The following PTPDC1 variants were observed in gnomAD, a reference collection of about 807,000 sequenced individuals.
PTPDC1 encodes protein tyrosine phosphatase domain containing 1.
PTPDC1 carries 53 observed loss-of-function variants against 75.3 expected under a neutral mutation model. The observed-to-expected ratio is 0.70, with a 90% confidence interval of 0.56 to 0.88. The LOEUF (loss-of-function observed/expected upper bound fraction) is 0.88. PTPDC1 is among the 40% of genes least tolerant of loss of function. The probability of loss-of-function intolerance (pLI) is 0.00; values close to 1 mark genes in which losing one functional copy is unlikely to be tolerated. For missense variants in PTPDC1, 925 were observed against 998.6 expected (o/e 0.93, Z 0.99); for synonymous variants, 349 against 366.2 (o/e 0.95, Z 0.54).
chr9:94,070,090 T>C (rs1433818883), intron 2 of PTPDC1, among the ~76,000 whole-genome samples: 1 of 152,244 alleles, frequency 6.6e-6, no homozygotes, highest in Non-Finnish European at 1.5e-5. Context: ...CCCAAAGTGC[T>C]GGGATTACAG....
chr9:94,084,805 A>G (rs755972332), intron 1 of PTPDC1, 31 bp downstream of exon 1: 38 of 1,440,996 alleles, frequency 2.6e-5, no homozygotes, highest in Admixed American at 1.1e-4. Flanking sequence ...TGCCATACCT[A>G]TGTATATAAG....
chr9:94,050,371 G>T (rs1330555835), intron 1 of PTPDC1, among the ~76,000 whole-genome samples: 1 of 152,058 alleles, frequency 6.6e-6, no homozygotes, highest in Non-Finnish European at 1.5e-5. Context: ...TTTGATGTTG[G>T]TGACGTACAG....
At chr9:94,102,666 G>A (rs968750266) in intron 7 of PTPDC1, among the ~76,000 whole-genome samples, 8 of 152,004 alleles carry the variant, frequency 5.3e-5, no homozygotes, top group African/African-American at 1.9e-4. Flanking sequence ...TGCAACCTCT[G>A]CCCCCCGGGT....
At chr9:94,034,737 G>A (rs2118376711) in intron 1 of PTPDC1, among the ~76,000 whole-genome samples, 1 of 152,096 alleles carries the variant, frequency 6.6e-6, no homozygotes, top group Admixed American at 6.5e-5. Flanking sequence ...AAATCATTCT[G>A]TATAAGAACA....
At chr9:94,036,906 C>T (rs1825290710) in intron 1 of PTPDC1, among the ~76,000 whole-genome samples, 1 of 152,184 alleles carries the variant, frequency 6.6e-6, no homozygotes, top group Admixed American at 6.5e-5. Flanking sequence ...TAATTTGTAG[C>T]AATCTACCCT....
intron 2 of PTPDC1, among the ~76,000 whole-genome samples, chr9:94,074,863 A>T (rs1826632621): frequency 1.3e-5 from 2 of 152,206 alleles, no homozygotes; most frequent in South Asian, 4.1e-4. Flanking sequence ...GGCCTCACTA[A>T]GATGAAAGTT....
At chr9:94,049,868 G>T (rs2118448231) in intron 1 of PTPDC1, among the ~76,000 whole-genome samples, 1 of 152,226 alleles carries the variant, frequency 6.6e-6, no homozygotes, top group South Asian at 2.1e-4. Flanking sequence ...ATGTAGATTT[G>T]GTCTTTTCAC....
chr9:94,067,802 A>G (rs1166674190), intron 2 of PTPDC1, among the ~76,000 whole-genome samples: 4 of 152,158 alleles, frequency 2.6e-5, no homozygotes, highest in Non-Finnish European at 5.9e-5. Context: ...GGGTTTAGCC[A>G]TATTGGCCAG....
At chr9:94,041,879 C>T (rs1327016629) in intron 1 of PTPDC1, among the ~76,000 whole-genome samples, 2 of 152,192 alleles carry the variant, frequency 1.3e-5, no homozygotes, top group African/African-American at 2.4e-5. Flanking sequence ...CTGATATGCT[C>T]ATCACTCTTG....
At chr9:94,094,548 C>T (rs1421258606) in intron 4 of PTPDC1, among the ~76,000 whole-genome samples, 1 of 152,130 alleles carries the variant, frequency 6.6e-6, no homozygotes, top group African/African-American at 2.4e-5. Flanking sequence ...GTGCCCTGCC[C>T]CCAGAGGTGG....
At chr9:94,047,444 A>G (rs927912004) in intron 1 of PTPDC1, among the ~76,000 whole-genome samples, 2 of 152,196 alleles carry the variant, frequency 1.3e-5, no homozygotes, top group Admixed American at 1.3e-4. Flanking sequence ...TTATAGCACT[A>G]AATGCCCACA....
At chr9:94,036,259 G>C (rs2118384587) in intron 1 of PTPDC1, among the ~76,000 whole-genome samples, 1 of 152,098 alleles carries the variant, frequency 6.6e-6, no homozygotes, top group South Asian at 2.1e-4. Context: ...TTATTGCCAA[G>C]ACTAATGTCA....
chr9:94,094,278 T>G (rs1402389265), intron 4 of PTPDC1, among the ~76,000 whole-genome samples: 14 of 151,686 alleles, frequency 9.2e-5, no homozygotes, highest in East Asian at 1.9e-4. Flanking sequence ...GTCCTTTCTG[T>G]TTGTTAGTTT....
intron 1 of PTPDC1, among the ~76,000 whole-genome samples, chr9:94,043,287 G>A (rs992762718): frequency 4.6e-5 from 7 of 152,194 alleles, no homozygotes; most frequent in African/African-American, 1.7e-4. Flanking sequence ...GTAATGGTAC[G>A]TATTATGGTT....
chr9:94,066,415 A>G (rs796658930), intron 2 of PTPDC1, among the ~76,000 whole-genome samples: 7 of 152,274 alleles, frequency 4.6e-5, no homozygotes, highest in Admixed American at 1.3e-4. Context: ...TTTAAATGTT[A>G]TATAATGATT....
chr9:94,098,324 T>C lies in PTPDC1; in HGVS notation c.1758T>C (p.Val586=), dbSNP rs1827696014. ...ACTGTCAGTGTAAAACTCATGGTGT[T>C]GGGAGCCCTGGCTCTGTCAGGCAGA... The part of the protein sequence containing the change: ...VSHCQCKTHG[V]GSPGSVRQNS... The change falls in exon 6 of 9, where the codon GTT becomes GTC. Residue 586 remains valine (V), a synonymous_variant. Coordinates refer to ENST00000620992, the MANE Select transcript of PTPDC1 (RefSeq NM_001253829.2). The C allele has an allele frequency of 6.2e-7, 1 of 1,614,236 alleles. No homozygotes were observed. Among genetic ancestry groups the C allele is most frequent in the Non-Finnish European group, 8.5e-7 (1 of 1,180,040 alleles).
chr9:94,087,975 T>C, intron 3 of PTPDC1, 64 bp downstream of exon 3: 1 of 1,501,106 alleles, frequency 6.7e-7, no homozygotes, highest in South Asian at 1.1e-5. Context: ...TCATTGCCTT[T>C]GTTTCAAGTG....
chr9:94,082,311 G>T (rs1826910281), upstream of PTPDC1, among the ~76,000 whole-genome samples: 1 of 152,228 alleles, frequency 6.6e-6, no homozygotes, highest in African/African-American at 2.4e-5. Context: ...GGCACCCACT[G>T]CATTCTCAGC....
chr9:94,038,170 C>A, intron 1 of PTPDC1: 3 of 686,132 alleles, frequency 4.4e-6, no homozygotes, highest in South Asian at 1.5e-5. Context: ...CCGTTGGATT[C>A]TCTTACACAG....
Sources: gnomAD v4.1 joint callset for allele counts (sites outside exome capture counted in the v4.1 genomes callset) on GRCh38, gnomAD v4.1.1 for gene constraint, MANE v1.5 for transcripts, NCBI Gene and HGNC (gene_info 2026-07-23, HGNC 2026-07-21) for gene names.